The following KLF12 variants were observed in gnomAD, a reference collection of about 807,000 sequenced individuals.
KLF12 encodes the protein Krueppel-like factor 12.
KLF12 carries 9 observed loss-of-function variants against 37.8 expected under a neutral mutation model. The ratio of observed to expected loss-of-function variants is 0.24; its 90% CI spans 0.14 to 0.42. The LOEUF is 0.42. KLF12 is among the 10% of genes least tolerant of loss of function. KLF12 has a pLI of 1.00. For missense variants in KLF12, 411 were observed against 516.0 expected (o/e 0.80, Z 1.97); for synonymous variants, 208 against 202.1 (o/e 1.03, Z -0.25).
chr13:74,233,026 C>T, the KLF12 span, among the ~76,000 whole-genome samples: 947 of 152,232 alleles, frequency 6.2e-3, 6 homozygotes, highest in Middle Eastern at 0.014. Context: ...GCTGGGACTA[C>T]AGGCGCGTTC....
chr13:73,934,208 T>G (rs1358805803), intron 3 of KLF12, among the ~76,000 whole-genome samples: 3 of 152,146 alleles, frequency 2.0e-5, no homozygotes. Flanking sequence ...TGTATCTGGT[T>G]GTTTTGTGTG....
chr13:73,788,549 TAA>T (rs1566368628), intron 5 of KLF12, among the ~76,000 whole-genome samples: 19 of 152,178 alleles, frequency 1.2e-4, no homozygotes, highest in African/African-American at 4.3e-4. Context: ...GGCTGTTCTG[TAA>T]AGGATGGGTC....
chr13:74,233,275 C>T, the KLF12 span, among the ~76,000 whole-genome samples: 5 of 152,104 alleles, frequency 3.3e-5, no homozygotes, highest in East Asian at 1.9e-4. Flanking sequence ...TACTTTTTTG[C>T]GACTTCTTCA....
the KLF12 span, among the ~76,000 whole-genome samples, chr13:74,270,543 G>T: frequency 6.6e-6 from 1 of 152,212 alleles, no homozygotes; most frequent in Admixed American, 6.5e-5. Context: ...GAAGCTTTGT[G>T]TTTGGAAAAC....
chr13:74,113,344 G>A (rs1230658184), intron 1 of KLF12, among the ~76,000 whole-genome samples: 1 of 152,214 alleles, frequency 6.6e-6, no homozygotes, highest in Non-Finnish European at 1.5e-5. Flanking sequence ...ACGCCATGGA[G>A]GACTTTCATA....
intron 3 of KLF12, among the ~76,000 whole-genome samples, chr13:73,924,407 T>A (rs1249385485): frequency 6.6e-6 from 1 of 152,178 alleles, no homozygotes; most frequent in African/African-American, 2.4e-5. Flanking sequence ...TTTCAAATGT[T>A]TTCATTATTA....
the KLF12 span, among the ~76,000 whole-genome samples, chr13:74,163,073 A>G: frequency 6.6e-6 from 1 of 152,302 alleles, no homozygotes; most frequent in East Asian, 1.9e-4. Context: ...GGTAGAGGCT[A>G]TAGAAAGAGA....
intron 1 of KLF12, among the ~76,000 whole-genome samples, chr13:74,040,344 G>A (rs757564379): frequency 1.3e-5 from 2 of 152,148 alleles, no homozygotes; most frequent in African/African-American, 2.4e-5. Context: ...AAGTGTGCTC[G>A]TGCTGCTGGT....
chr13:73,904,403 T>C (rs1222107610), intron 3 of KLF12, among the ~76,000 whole-genome samples: 1 of 151,878 alleles, frequency 6.6e-6, no homozygotes, highest in Non-Finnish European at 1.5e-5. Context: ...GAGAATAATG[T>C]GCTATTTCTT....
chr13:74,066,598 C>T (rs941777926), intron 1 of KLF12, among the ~76,000 whole-genome samples: 1 of 152,136 alleles, frequency 6.6e-6, no homozygotes, highest in African/African-American at 2.4e-5. Flanking sequence ...GTTGATGCTG[C>T]AGCAAGCCAT....
the KLF12 span, among the ~76,000 whole-genome samples, chr13:74,302,115 A>G: frequency 5.3e-5 from 8 of 152,128 alleles, no homozygotes; most frequent in Non-Finnish European, 1.5e-5. Context: ...CACTGGGGCC[A>G]TCGTAAGAAG....
chr13:74,247,845 A>C, the KLF12 span, among the ~76,000 whole-genome samples: 4 of 152,250 alleles, frequency 2.6e-5, no homozygotes, highest in South Asian at 8.3e-4. Flanking sequence ...TGAATGAATT[A>C]ATGTTAAAGG....
the KLF12 span, among the ~76,000 whole-genome samples, chr13:74,232,430 TA>T: frequency 6.6e-6 from 1 of 152,214 alleles, no homozygotes; most frequent in African/African-American, 2.4e-5. Flanking sequence ...CTTGATAATT[TA>T]TTCATTCATA....
In KLF12 at chr13:73,759,707, T is replaced by A. The variant is rs531230747; in HGVS notation, c.869+5231A>T. On this transcript the variant is annotated intron_variant, in intron 6 of 7. Transcript: ENST00000377669. Reference sequence around the variant, plus strand: ...CTTGGATTTATGCCTAGGTTTGGCATGTAACGTTTTTGTCTGGGGGCCTCC... The same window carrying A: ...CTTGGATTTATGCCTAGGTTTGGCAAGTAACGTTTTTGTCTGGGGGCCTCC... Among the ~76,000 whole-genome samples, 12 of 152,306 alleles carry A rather than the reference T, an allele frequency of 7.9e-5. No individual in the cohort carries two copies. In the South Asian group the frequency reaches 2.5e-3, roughly 32 times the overall value.
intron 3 of KLF12, among the ~76,000 whole-genome samples, chr13:73,887,851 A>C (rs999293782): frequency 2.0e-5 from 3 of 152,190 alleles, no homozygotes; most frequent in African/African-American, 7.2e-5. Flanking sequence ...TGATTTCTGA[A>C]AACAGCTCTC....
the KLF12 span, among the ~76,000 whole-genome samples, chr13:74,216,376 C>T: frequency 6.6e-6 from 1 of 151,826 alleles, no homozygotes; most frequent in Non-Finnish European, 1.5e-5. Flanking sequence ...GGGTAATGTA[C>T]AAAAAAATTG....
intron 2 of KLF12, among the ~76,000 whole-genome samples, chr13:73,972,979 T>C (rs75118425): frequency 1.3e-5 from 2 of 152,064 alleles, no homozygotes; most frequent in Non-Finnish European, 2.9e-5. Context: ...ATGACAGAAA[T>C]CAGAAAGCCT....
At chr13:73,696,363 AAAGCTGTCTG>A (rs1381735972) in intron 7 of KLF12, among the ~76,000 whole-genome samples, 1 of 152,188 alleles carries the variant, frequency 6.6e-6, no homozygotes, top group Non-Finnish European at 1.5e-5. Context: ...TTCACAGAGA[AAAGCTGTCTG>A]AAGAAGCATG....
intron 1 of KLF12, among the ~76,000 whole-genome samples, chr13:74,061,580 C>T (rs1029250153): frequency 6.6e-6 from 1 of 152,136 alleles, no homozygotes; most frequent in Non-Finnish European, 1.5e-5. Context: ...TCAGTTTCTT[C>T]ACCTGTGATT....
Sources: gnomAD v4.1 joint callset for allele counts (sites outside exome capture counted in the v4.1 genomes callset) on GRCh38, gnomAD v4.1.1 for gene constraint, MANE v1.5 for transcripts, NCBI Gene and HGNC (gene_info 2026-07-23, HGNC 2026-07-21) for gene names.